The following P2RX1 variants were observed in gnomAD, a reference collection of about 807,000 sequenced individuals.
The protein encoded by P2RX1 is purinergic receptor P2X 1.
A neutral mutation model predicts 50.3 loss-of-function variants in P2RX1; 42 were observed. The ratio of observed to expected loss-of-function variants is 0.83; its 90% CI spans 0.65 to 1.08. The LOEUF is 1.08. P2RX1 is among the 50% of genes least tolerant of loss of function. P2RX1 has a pLI of 0.00. For synonymous variants in P2RX1, 199 were observed against 202.6 expected (o/e 0.98, Z 0.15); for missense variants, 449 against 529.0 (o/e 0.85, Z 1.48).
Position 3,904,363 on chromosome 17 carries a change from A to G in P2RX1, c.394T>C (p.Cys132Arg). Residue 132 changes from cysteine (C) to arginine (R), a missense_variant, in exon 4 of 12, where the codon TGT (cysteine) becomes CGT (arginine). Coordinates refer to ENST00000225538, the MANE Select transcript of P2RX1 (RefSeq NM_002558.4). ...EGGICKEDSG[C>R]TPGKAKRKAQ... is the part of the protein sequence containing the mutation. The stretch of plus-strand genomic sequence containing the variant: ...TTCCTCTTGGCCTTCCCAGGGGTAC[A>G]GCCACTGTCTTCCTTGCATATGCCC... The G allele has an allele frequency of 6.2e-7, 1 of 1,614,028 alleles. No homozygotes were observed. Among genetic ancestry groups the G allele is most frequent in the Non-Finnish European group, 8.5e-7 (1 of 1,179,954 alleles).
At chr17:3,900,577 C>T (rs2056120179) in intron 7 of P2RX1, among the ~76,000 whole-genome samples, 1 of 152,178 alleles carries the variant, frequency 6.6e-6, no homozygotes, top group Non-Finnish European at 1.5e-5. Context: ...CTCCACACTC[C>T]AGCTCTCTGA....
chr17:3,910,806 G>C (rs1322957607), intron 1 of P2RX1, among the ~76,000 whole-genome samples: 2 of 152,302 alleles, frequency 1.3e-5, no homozygotes, highest in South Asian at 2.1e-4. Context: ...GGGCATCTGG[G>C]TTAAGTTCCT....
chr17:3,897,811 G>A lies in P2RX1; in HGVS notation c.*3C>T. 6.2e-7 allele frequency: 1 copy of A among 1,612,374 alleles called. No individual in the cohort carries two copies. The highest frequency in any genetic ancestry group is 8.5e-7 in the Non-Finnish European group (1 of 1,179,724). ...CACCCAGTCAGGAGTTGGGGCCCGA[G>A]CATCAGGATGTCCTCATGTTCTCCT... On this transcript the variant is annotated 3_prime_UTR_variant, in exon 12 of 12. Coordinates refer to ENST00000225538, the MANE Select transcript of P2RX1 (RefSeq NM_002558.4).
In P2RX1 at chr17:3,897,123, C is replaced by T. The variant is rs537122061; in HGVS notation, c.*691G>A. The T allele has an allele frequency of 6.5e-6, 1 of 153,548 alleles. No homozygotes were observed. The highest frequency in any genetic ancestry group is 1.9e-4 in the East Asian group (1 of 5,190). The allele number at this position is 153,548 out of a possible 1,614,324, so 9.5% of individuals were successfully genotyped here. ...GACGGCACTTCTTAAACTTAGGTCC[C>T]AGAATGGCCTGGGGAGTTTGCCATC... On this transcript the variant is annotated 3_prime_UTR_variant, in exon 12 of 12. Transcript: ENST00000225538.
At chr17:3,902,779 T>C (rs2056174829) in intron 7 of P2RX1, among the ~76,000 whole-genome samples, 1 of 151,976 alleles carries the variant, frequency 6.6e-6, no homozygotes, top group Non-Finnish European at 1.5e-5. Flanking sequence ...GGCTAATTTT[T>C]GTATTTTTAG....
chr17:3,900,694 C>T (rs1184152579), intron 7 of P2RX1, among the ~76,000 whole-genome samples: 1 of 152,118 alleles, frequency 6.6e-6, no homozygotes, highest in Non-Finnish European at 1.5e-5. Flanking sequence ...GGGAGCATTT[C>T]TCGCTTTATA....
rs201360571 is a variant in P2RX1, at chr17:3,899,601, G to T, written c.875+33C>A. ...AGTAGAAAAGCCCGCAGGACCACAA[G>T]GAAGAATGTGCTGCTGGGGGCCTGG... On this transcript the variant is annotated intron_variant, in intron 8 of 11. Coordinates refer to ENST00000225538, the MANE Select transcript of P2RX1 (RefSeq NM_002558.4). The T allele has an allele frequency of 1.8e-5, 29 of 1,610,832 alleles. No individual in the cohort carries two copies. In the Admixed American group the frequency reaches 4.2e-4, roughly 23 times the overall value.
Position 3,914,639 on chromosome 17 carries a change from C to T in P2RX1, c.137+1450G>A, listed in dbSNP as rs571461557. ...AGGAGTGATACTAAGGGTGGACTTC[C>T]GGCCCGTCCTGTACCTGGCATCCCA... On this transcript the variant is annotated intron_variant, in intron 1 of 11. Coordinates refer to ENST00000225538, the MANE Select transcript of P2RX1 (RefSeq NM_002558.4). The surrounding 1 kb of genome is among the most constrained non-coding windows in gnomAD (Gnocchi z 4.1). Among the ~76,000 whole-genome samples, 13 of 152,278 alleles carry T rather than the reference C, an allele frequency of 8.5e-5. No individual in the cohort carries two copies. The South Asian group carries it at 1.9e-3, about 22-fold the overall frequency.
chr17:3,904,963 G>GGGGGGGGGGGGGGGGGGGGGC (rs1567653707), intron 2 of P2RX1, 34 bp from the exon 3 acceptor site: 3 of 435,264 alleles, frequency 6.9e-6, no homozygotes, highest in East Asian at 6.5e-5. Flanking sequence ...GGTGGGGTGG[G>GGGGGGGGGGGGGGGGGGGGGC]CTGGGAGCTG....
intron 11 of P2RX1, 33 bp downstream of exon 11, chr17:3,897,976 C>T (rs1428028211): frequency 1.9e-6 from 3 of 1,611,862 alleles, no homozygotes; most frequent in African/African-American, 2.7e-5. Flanking sequence ...CGCCGGAGGC[C>T]TTCGAAGGGC....
chr17:3,899,585 G>A (rs770215397), intron 8 of P2RX1, 49 bp downstream of exon 8: 4 of 1,607,466 alleles, frequency 2.5e-6, no homozygotes, highest in Non-Finnish European at 3.4e-6. Flanking sequence ...GAGTAGAAAA[G>A]CCCGCAGGAC....
At chr17:3,915,222 A>G (rs1275497512) in intron 1 of P2RX1, 1 of 350,836 alleles carries the variant, frequency 2.9e-6, no homozygotes, top group African/African-American at 2.1e-5. Flanking sequence ...AGTGGACAAG[A>G]TGCACCACAC....
intron 1 of P2RX1, among the ~76,000 whole-genome samples, chr17:3,915,155 G>A (rs2144091374): frequency 6.6e-6 from 1 of 152,308 alleles, no homozygotes; most frequent in Non-Finnish European, 1.5e-5. Flanking sequence ...CCCAGCAGGG[G>A]CTGAGCCCCC....
At chr17:3,898,187 C>A in intron 10 of P2RX1, 77 bp from the exon 11 acceptor site, 1 of 1,272,282 alleles carries the variant, frequency 7.9e-7, no homozygotes, top group South Asian at 1.2e-5. Context: ...CCACCTCAGT[C>A]CCTGGTGGTG....
At chr17:3,912,180 C>A (rs1480675611) in intron 1 of P2RX1, among the ~76,000 whole-genome samples, 3 of 152,178 alleles carry the variant, frequency 2.0e-5, no homozygotes, top group Non-Finnish European at 4.4e-5. Context: ...GCAGGAATTC[C>A]TCATCCCCTC....
intron 7 of P2RX1, among the ~76,000 whole-genome samples, chr17:3,902,929 T>G (rs2056179252): frequency 6.6e-6 from 1 of 151,840 alleles, no homozygotes; most frequent in African/African-American, 2.4e-5. Flanking sequence ...TATCTAGTTT[T>G]TTTTTTTTTT....
Position 3,903,739 on chromosome 17 carries a change from C to A in P2RX1, c.525-108G>T, listed in dbSNP as rs1209310854. 1.6e-6 allele frequency: 2 copies of A among 1,272,506 alleles called. No homozygotes were observed. The highest frequency in any genetic ancestry group is 2.9e-5 in the African/African-American group (2 of 68,418). 78.8% of individuals were successfully genotyped at this position (1,272,506 alleles called of 1,614,324 possible). On this transcript the variant is annotated intron_variant, in intron 5 of 11. Coordinates refer to ENST00000225538, the MANE Select transcript of P2RX1 (RefSeq NM_002558.4). The surrounding 1 kb of genome is among the most constrained non-coding windows in gnomAD (Gnocchi z 4.6). The stretch of plus-strand genomic sequence containing the variant: ...GGGCCGAGCCTCCGGGACCCGCCTG[C>A]AGCCCTGGGCTGGTGGAGGGGTGGG...
In P2RX1 at chr17:3,911,707, G is replaced by A. The variant is rs79767811; in HGVS notation, c.137+4382C>T. On this transcript the variant is annotated intron_variant, in intron 1 of 11. Coordinates refer to ENST00000225538, the MANE Select transcript of P2RX1 (RefSeq NM_002558.4). ...CTGGTGTTCAAAGGCCTTCGCCATC[G>A]CCCCTGCTCTCCCTTTCACAGCCTC... Among the ~76,000 whole-genome samples, 1,198 of 152,276 alleles carry A rather than the reference G, an allele frequency of 7.9e-3. 8 individuals are homozygous for A. Among genetic ancestry groups the A allele is most frequent in the African/African-American group, 0.027 (1,138 of 41,540 alleles).
At chr17:3,913,894 G>A (rs757905814) in intron 1 of P2RX1, among the ~76,000 whole-genome samples, 7 of 152,202 alleles carry the variant, frequency 4.6e-5, no homozygotes, top group Middle Eastern at 3.2e-3. Context: ...CGTGCCCCAC[G>A]GGCCGGTTAG....
Sources: allele counts gnomAD v4.1 joint callset (sites outside exome capture counted in the v4.1 genomes callset), GRCh38; gene constraint gnomAD v4.1.1; non-coding constraint Gnocchi (gnomAD v3.1); transcripts MANE v1.5; gene names NCBI Gene and HGNC (gene_info 2026-07-23, HGNC 2026-07-21).